The following SYN3 variants were observed in gnomAD, a reference collection of about 807,000 sequenced individuals.
SYN3 encodes the protein synapsin III, also known as synapsin-3.
Under a neutral mutation model 65.8 loss-of-function variants are expected in SYN3, and 35 were observed. That is an observed-to-expected ratio of 0.53 (90% CI 0.41 to 0.70). SYN3 has a LOEUF of 0.70. Ranked by LOEUF, SYN3 falls within the 30% of genes least tolerant of loss-of-function variation. SYN3 has a pLI of 0.00. For synonymous variants in SYN3, 270 were observed against 292.9 expected (o/e 0.92, Z 0.80); for missense variants, 680 against 749.0 (o/e 0.91, Z 1.08).
intron 4 of SYN3, among the ~76,000 whole-genome samples, chr22:32,875,374 A>G (rs535483431): frequency 8.5e-5 from 13 of 152,252 alleles, no homozygotes; most frequent in African/African-American, 3.1e-4. Flanking sequence ...CAGCCTCACA[A>G]TCCTGGTATC....
intron 6 of SYN3, among the ~76,000 whole-genome samples, chr22:32,637,630 CTTTTTTTTTTTTT>C (rs1185407986): frequency 3.2e-5 from 3 of 93,562 alleles, no homozygotes; most frequent in South Asian, 4.8e-4. Context: ...TTTTCTTTTT[CTTTTTTTTTTTTT>C]TTTTTTTTTT....
chr22:32,852,252 G>C (rs2048239028), intron 6 of SYN3, among the ~76,000 whole-genome samples: 1 of 152,198 alleles, frequency 6.6e-6, no homozygotes, highest in South Asian at 2.1e-4. Flanking sequence ...TTGCCTATAA[G>C]GAGATAATAC....
chr22:32,958,208 A>T (rs2051527529), intron 3 of SYN3, among the ~76,000 whole-genome samples: 1 of 152,134 alleles, frequency 6.6e-6, no homozygotes, highest in Admixed American at 6.5e-5. Context: ...TTCCACAACC[A>T]CATCAACAGC....
chr22:33,049,784 G>C (rs534559485), intron 1 of SYN3, among the ~76,000 whole-genome samples: 1 of 152,148 alleles, frequency 6.6e-6, no homozygotes, highest in Non-Finnish European at 1.5e-5. Flanking sequence ...CCATCCATTG[G>C]GAAGGACTGC....
chr22:32,616,784 A>G lies in SYN3; in HGVS notation c.712-20048T>C, dbSNP rs781454609. On this transcript the variant is annotated intron_variant, in intron 6 of 13. Transcript: ENST00000358763. ...AAAAAATGCTATAGAAGCAAAGAAG[A>G]GTGAGTGATGACCTGTGGAGGACAG... Among the ~76,000 whole-genome samples the G allele has an allele frequency of 1.3e-4, 20 of 152,160 alleles. 1 individual carries two copies. Among genetic ancestry groups the G allele is most frequent in the Admixed American group, 9.8e-4 (15 of 15,276 alleles).
rs149593462 is a variant in SYN3, at chr22:32,961,103, G to A, written c.369+19542C>T. Among the ~76,000 whole-genome samples the A allele has an allele frequency of 2.0e-4, 30 of 152,192 alleles. No homozygotes were observed. The East Asian group carries it at 3.9e-3, about 20-fold the overall frequency. ...TTTGAGCTATGTAACTCTTTGTTGC[G>A]GAAGACTGTTTTGTGTATTGTAGGA... On this transcript the variant is annotated intron_variant, in intron 3 of 13. Transcript: ENST00000358763.
chr22:32,687,324 G>A (rs963145039), intron 6 of SYN3, among the ~76,000 whole-genome samples: 1 of 151,806 alleles, frequency 6.6e-6, no homozygotes, highest in African/African-American at 2.4e-5. Context: ...CACCACGCCC[G>A]GCTAATTTTC....
chr22:32,919,135 C>T (rs1045324613), intron 4 of SYN3, among the ~76,000 whole-genome samples: 2 of 152,172 alleles, frequency 1.3e-5, no homozygotes, highest in African/African-American at 4.8e-5. Context: ...ATTTGGCCCC[C>T]AAGCTGCCAC....
intron 6 of SYN3, among the ~76,000 whole-genome samples, chr22:32,682,853 C>T (rs2060541984): frequency 6.6e-6 from 1 of 152,180 alleles, no homozygotes; most frequent in African/African-American, 2.4e-5. Flanking sequence ...AGACAGAGCT[C>T]TCCTGTGGTA....
chr22:32,760,560 A>G (rs2045450581), intron 6 of SYN3, among the ~76,000 whole-genome samples: 1 of 152,012 alleles, frequency 6.6e-6, no homozygotes, highest in Non-Finnish European at 1.5e-5. Flanking sequence ...GGGGAGGTTG[A>G]CAGAAGGCAC....
intron 1 of SYN3, among the ~76,000 whole-genome samples, chr22:33,057,122 G>C (rs1289185328): frequency 6.6e-6 from 1 of 152,224 alleles, no homozygotes; most frequent in Non-Finnish European, 1.5e-5. Context: ...GCAGGGAAGA[G>C]TATTTGCAGC....
chr22:32,927,987 G>C (rs13054969), intron 4 of SYN3, among the ~76,000 whole-genome samples: 20,594 of 152,118 alleles, frequency 0.14, 1,901 homozygotes, highest in East Asian at 0.43. Flanking sequence ...ACTTACAAAG[G>C]GGCTGCATCC....
intron 6 of SYN3, among the ~76,000 whole-genome samples, chr22:32,662,303 A>G (rs1375926852): frequency 2.0e-5 from 3 of 152,152 alleles, no homozygotes; most frequent in African/African-American, 7.2e-5. Flanking sequence ...TTCAGTGGCT[A>G]TCATTCAGCT....
intron 2 of SYN3, among the ~76,000 whole-genome samples, chr22:32,982,679 T>C (rs573832010): frequency 3.3e-5 from 5 of 152,220 alleles, no homozygotes; most frequent in Non-Finnish European, 7.3e-5. Context: ...ATTGTATTCA[T>C]CACTTTCTTC....
intron 2 of SYN3, among the ~76,000 whole-genome samples, chr22:32,984,434 C>T (rs1210780407): frequency 6.6e-6 from 1 of 152,146 alleles, no homozygotes; most frequent in Non-Finnish European, 1.5e-5. Context: ...GTGGATTGCC[C>T]AGACCACGTG....
At chr22:32,901,556 G>GC (rs554844359) in intron 4 of SYN3, among the ~76,000 whole-genome samples, 250 of 152,164 alleles carry the variant, frequency 1.6e-3, no homozygotes, top group African/African-American at 5.5e-3. Context: ...ATAATGATCA[G>GC]CCAAGCATCC....
intron 7 of SYN3, among the ~76,000 whole-genome samples, chr22:32,551,083 G>T (rs1223550855): frequency 1.3e-5 from 2 of 152,148 alleles, no homozygotes; most frequent in Non-Finnish European, 2.9e-5. Flanking sequence ...CAGTGATGAA[G>T]AAATATTCTC....
At chr22:32,699,585 T>C (rs997234313) in intron 6 of SYN3, among the ~76,000 whole-genome samples, 6 of 84,052 alleles carry the variant, frequency 7.1e-5, no homozygotes, top group African/African-American at 2.9e-4. Context: ...CTGTGTGACC[T>C]TGACCAAGTC....
intron 7 of SYN3, among the ~76,000 whole-genome samples, chr22:32,572,387 C>CCTTCCTGCCT: frequency 1.2e-5 from 1 of 82,698 alleles, no homozygotes; most frequent in Non-Finnish European, 2.3e-5. Context: ...CCCATCTTTC[C>CCTTCCTGCCT]TTCCTTCCCT....
Sources: gnomAD v4.1 joint callset for allele counts (sites outside exome capture counted in the v4.1 genomes callset) on GRCh38, gnomAD v4.1.1 for gene constraint, MANE v1.5 for transcripts, NCBI Gene and HGNC (gene_info 2026-07-23, HGNC 2026-07-21) for gene names.